Variants in TRPC6 observed in about 807,000 individuals in gnomAD.
TRPC6 encodes the protein transient receptor potential cation channel subfamily C member 6.
TRPC6 carries 55 observed loss-of-function variants against 90.7 expected under a neutral mutation model. The ratio of observed to expected loss-of-function variants is 0.61; its 90% CI spans 0.49 to 0.76. The LOEUF is 0.76. TRPC6 is among the 30% of genes least tolerant of loss of function. The probability of loss-of-function intolerance (pLI) is 0.00; values close to 1 mark genes in which losing one functional copy is unlikely to be tolerated. For missense variants in TRPC6, 989 were observed against 1,122.7 expected, an observed-to-expected ratio of 0.88 and a Z score of 1.70; for synonymous variants, 393 against 393.0, an observed-to-expected ratio of 1.00 and a Z score of 0.00.
At chr11:101,462,180 TTTTGGTACCAGTACCATGCTG>T (rs1859019586) in intron 10 of TRPC6, among the ~76,000 whole-genome samples, 1 of 144,122 alleles carries the variant, frequency 6.9e-6, no homozygotes, top group Non-Finnish European at 1.5e-5. Context: ...TATGTATCTG[TTTTGGTACCAGTACCATGCTG>T]TTTGGTTACT....
intron 2 of TRPC6, 25 bp downstream of exon 2, chr11:101,503,999 G>A: frequency 1.2e-6 from 2 of 1,613,834 alleles, no homozygotes; most frequent in Non-Finnish European, 1.7e-6. Context: ...TGTGGAGGGT[G>A]AAGTCTCTAT....
At chr11:101,455,140 C>T (rs1467865144) in intron 10 of TRPC6, 39 bp from the exon 11 acceptor site, 4 of 1,527,514 alleles carry the variant, frequency 2.6e-6, no homozygotes, top group Non-Finnish European at 3.6e-6. Context: ...TTCCTACTTA[C>T]ATTTTCTTTT....
At chr11:101,506,246 C>CAGAAGTTAGGGA (rs1860263496) in intron 1 of TRPC6, among the ~76,000 whole-genome samples, 1 of 147,276 alleles carries the variant, frequency 6.8e-6, no homozygotes, top group African/African-American at 2.7e-5. Context: ...GCTAAAGAGG[C>CAGAAGTTAGGGA]ATCCCTCTTT....
chr11:101,472,537 T>C (rs567709448), intron 7 of TRPC6, among the ~76,000 whole-genome samples: 3 of 152,204 alleles, frequency 2.0e-5, no homozygotes, highest in South Asian at 2.1e-4. Flanking sequence ...GCATATGAAG[T>C]ACATAATCAT....
At chr11:101,548,978 T>C (rs1861391391) in intron 1 of TRPC6, among the ~76,000 whole-genome samples, 1 of 151,966 alleles carries the variant, frequency 6.6e-6, no homozygotes, top group South Asian at 2.1e-4. Context: ...AGGGTAGGGT[T>C]CATGCAGAGA....
chr11:101,491,444 AAAG>A (rs1859806838), intron 3 of TRPC6, 109 bp downstream of exon 3: 8 of 1,436,240 alleles, frequency 5.6e-6, no homozygotes, highest in South Asian at 1.2e-5. Context: ...AAAAAAAAAA[AAAG>A]AGAAAAGAAA....
In TRPC6 at chr11:101,452,869, G is replaced by C; in HGVS notation, c.*86C>G. 1 of 1,488,662 alleles carries C rather than the reference G, an allele frequency of 6.7e-7. No individual in the cohort carries two copies. Among genetic ancestry groups the C allele is most frequent in the Non-Finnish European group, 9.3e-7 (1 of 1,072,488 alleles). 92.2% of individuals were successfully genotyped at this position (1,488,662 alleles called of 1,614,324 possible). On this transcript the variant is annotated 3_prime_UTR_variant, in exon 13 of 13. Coordinates refer to ENST00000344327, the MANE Select transcript of TRPC6 (RefSeq NM_004621.6). ...TAACGTTTTCTTGTTTAAAAGGTGGGCCCATTGGCACTTAAGAAAATAAAT... is the reference window on the plus strand; with the variant it reads ...TAACGTTTTCTTGTTTAAAAGGTGGCCCCATTGGCACTTAAGAAAATAAAT...
chr11:101,519,318 C>CTA (rs1565227142), intron 1 of TRPC6, among the ~76,000 whole-genome samples: 3 of 151,530 alleles, frequency 2.0e-5, no homozygotes, highest in African/African-American at 7.3e-5. Context: ...AATATATACA[C>CTA]CTATGTACCC....
intron 11 of TRPC6, among the ~76,000 whole-genome samples, chr11:101,454,032 C>G (rs1374802394): frequency 1.3e-5 from 2 of 152,090 alleles, no homozygotes; most frequent in Non-Finnish European, 2.9e-5. Context: ...GTAAGACAGT[C>G]TTTCAGTGGG....
chr11:101,509,121 T>C (rs1180146256), intron 1 of TRPC6, among the ~76,000 whole-genome samples: 4 of 139,784 alleles, frequency 2.9e-5, no homozygotes, highest in Admixed American at 1.4e-4. Context: ...TTGATGTAAG[T>C]TGTTTTGTCT....
chr11:101,494,940 T>C (rs1334737969), intron 2 of TRPC6, among the ~76,000 whole-genome samples: 1 of 152,218 alleles, frequency 6.6e-6, no homozygotes, highest in Non-Finnish European at 1.5e-5. Context: ...TTGACATTAC[T>C]ATTAACTCAT....
In TRPC6 at chr11:101,452,698, A is replaced by G; in HGVS notation, c.*257T>C. 1 of 463,432 alleles carries G rather than the reference A, an allele frequency of 2.2e-6. No individual in the cohort carries two copies. Among genetic ancestry groups the G allele is most frequent in the Non-Finnish European group, 3.9e-6 (1 of 254,700 alleles). The allele number at this position is 463,432 out of a possible 1,614,324, so 28.7% of individuals were successfully genotyped here. On this transcript the variant is annotated 3_prime_UTR_variant, in exon 13 of 13. Transcript: ENST00000344327. ...TGACATCATCACAAGAGTTAGTTATATCCAAGAAAGCAGTTTATAAAACAA... is the reference window on the plus strand; with the variant it reads ...TGACATCATCACAAGAGTTAGTTATGTCCAAGAAAGCAGTTTATAAAACAA...
At chr11:101,495,061 G>A (rs1859911664) in intron 2 of TRPC6, among the ~76,000 whole-genome samples, 2 of 152,142 alleles carry the variant, frequency 1.3e-5, no homozygotes, top group Admixed American at 6.5e-5. Context: ...TGAAGCTGAT[G>A]GGTTAACTTA....
chr11:101,547,979 C>T (rs1861348165), intron 1 of TRPC6, among the ~76,000 whole-genome samples: 2 of 152,038 alleles, frequency 1.3e-5, no homozygotes, highest in Admixed American at 6.6e-5. Flanking sequence ...TTCACACATA[C>T]TTCTCACATA....
chr11:101,573,584 G>GACAGATCAT (rs1300580808), intron 1 of TRPC6, among the ~76,000 whole-genome samples: 3 of 152,264 alleles, frequency 2.0e-5, no homozygotes, highest in African/African-American at 7.2e-5. Flanking sequence ...TTAGCTTTTG[G>GACAGATCAT]ACAGATCATA....
chr11:101,512,318 A>G (rs1452036977), intron 1 of TRPC6, among the ~76,000 whole-genome samples: 2 of 152,192 alleles, frequency 1.3e-5, no homozygotes, highest in African/African-American at 4.8e-5. Flanking sequence ...GGAGCCAGCA[A>G]AAGTGTGACT....
rs967432115 is a variant in TRPC6, at chr11:101,479,073, T to A, written c.1511-2539A>T. On this transcript the variant is annotated intron_variant, in intron 5 of 12. Coordinates refer to ENST00000344327, the MANE Select transcript of TRPC6 (RefSeq NM_004621.6). Reference sequence around the variant, plus strand: ...TCAGATTCCACTGGGTCTTACACCATGCCTCACCCTCCAGGGTAAGCTTCC... The same window carrying A: ...TCAGATTCCACTGGGTCTTACACCAAGCCTCACCCTCCAGGGTAAGCTTCC... Among the ~76,000 whole-genome samples the A allele has an allele frequency of 2.0e-5, 3 of 152,170 alleles. No homozygotes were observed. The South Asian group carries it at 6.2e-4, about 31-fold the overall frequency.
intron 9 of TRPC6, among the ~76,000 whole-genome samples, chr11:101,469,991 A>G (rs938690540): frequency 6.6e-6 from 1 of 152,206 alleles, no homozygotes; most frequent in Non-Finnish European, 1.5e-5. Context: ...AGCACCCTAA[A>G]TAGTAAATGG....
intron 1 of TRPC6, among the ~76,000 whole-genome samples, chr11:101,510,183 T>C (rs1243360092): frequency 1.3e-5 from 2 of 152,136 alleles, no homozygotes; most frequent in Non-Finnish European, 2.9e-5. Flanking sequence ...GTGGTGTTGC[T>C]TACTCCCTGC....
Sources: gnomAD v4.1 joint callset for allele counts (sites outside exome capture counted in the v4.1 genomes callset) on GRCh38, gnomAD v4.1.1 for gene constraint, MANE v1.5 for transcripts, NCBI Gene and HGNC (gene_info 2026-07-23, HGNC 2026-07-21) for gene names.